HDAC9: variants seen among roughly 807,000 people sequenced by gnomAD.
HDAC9 encodes the protein MEF-2 interacting transcription repressor (MITR) protein.
In HDAC9, 41 loss-of-function variants were observed where a neutral mutation model predicts 139.4. The observed-to-expected ratio is 0.29, with a 90% confidence interval of 0.23 to 0.38. The LOEUF is 0.38. Among genes scored for constraint, HDAC9 ranks in the 10% least tolerant of loss-of-function variants. The pLI, the probability that HDAC9 is intolerant of heterozygous loss-of-function variation, is 1.00. For synonymous variants in HDAC9, 517 were observed against 476.2 expected (o/e 1.09, Z -1.12); for missense variants, 1,147 against 1,297.0 (o/e 0.88, Z 1.78).
Position 18,635,683 on chromosome 7 carries a change from C to T in HDAC9, c.912+941C>T, listed in dbSNP as rs146159684. On this transcript the variant is annotated intron_variant, in intron 8 of 25. Coordinates refer to ENST00000686413, the MANE Select transcript of HDAC9 (RefSeq NM_178425.4). ...TTGCTCTGTGCAAGGAGAGCTGGTGCGTTAACTTCTAATATATAACATACT... is the reference window on the plus strand; with the variant it reads ...TTGCTCTGTGCAAGGAGAGCTGGTGTGTTAACTTCTAATATATAACATACT... Among the ~76,000 whole-genome samples the T allele has an allele frequency of 9.8e-4, 149 of 152,122 alleles. 2 individuals carry two copies. In the East Asian group the frequency reaches 0.026, roughly 26 times the overall value.
chr7:18,778,048 A>T (rs886403218), intron 16 of HDAC9, among the ~76,000 whole-genome samples: 27 of 152,136 alleles, frequency 1.8e-4, no homozygotes, highest in African/African-American at 6.3e-4. Flanking sequence ...TGTTCAGGTC[A>T]TAGAATTAGT....
intron 16 of HDAC9, among the ~76,000 whole-genome samples, chr7:18,790,761 A>G (rs1393100797): frequency 6.6e-6 from 1 of 152,214 alleles, no homozygotes; most frequent in Non-Finnish European, 1.5e-5. Flanking sequence ...AAATAAATTA[A>G]TGGATGATAA....
At chr7:18,869,261 G>A (rs1798732764) in intron 21 of HDAC9, among the ~76,000 whole-genome samples, 1 of 151,526 alleles carries the variant, frequency 6.6e-6, no homozygotes, top group African/African-American at 2.4e-5. Context: ...ATGTCAAAAT[G>A]TAATCCTTAA....
intron 13 of HDAC9, among the ~76,000 whole-genome samples, chr7:18,730,427 T>C (rs1311467975): frequency 6.6e-6 from 1 of 152,246 alleles, no homozygotes; most frequent in African/African-American, 2.4e-5. Context: ...TCCTTTCTTT[T>C]GACTTTTTAA....
At chr7:18,314,725 T>C (rs1799526766) in intron 1 of HDAC9, among the ~76,000 whole-genome samples, 1 of 152,238 alleles carries the variant, frequency 6.6e-6, no homozygotes, top group Admixed American at 6.5e-5. Context: ...TCATGGTTGA[T>C]ATTACAGAAA....
chr7:18,371,130 T>C (rs1784562003), intron 1 of HDAC9, among the ~76,000 whole-genome samples: 1 of 152,166 alleles, frequency 6.6e-6, no homozygotes, highest in African/African-American at 2.4e-5. Flanking sequence ...GGCTGCATAC[T>C]TCAGAATCTT....
In HDAC9 at chr7:18,652,849, T is replaced by C. The variant is rs1789752423; in HGVS notation, c.1467+4166T>C. ...ATGCGTTAAACAAATCATTAAATAC[T>C]GTGTGCAGACACAGTTTTAAGCACT... On this transcript the variant is annotated intron_variant, in intron 11 of 25. Transcript: ENST00000686413. Among the ~76,000 whole-genome samples the C allele has an allele frequency of 6.6e-5, 10 of 152,316 alleles. 1 individual carries two copies. In the South Asian group the frequency reaches 1.9e-3, roughly 28 times the overall value.
intron 8 of HDAC9, among the ~76,000 whole-genome samples, chr7:18,643,003 T>C (rs915971983): frequency 2.0e-5 from 3 of 152,132 alleles, no homozygotes; most frequent in South Asian, 2.1e-4. Context: ...TCCACACTTA[T>C]TTTCTCTTCA....
chr7:18,169,378 T>C (rs907297369), intron 2 of HDAC9, among the ~76,000 whole-genome samples: 5 of 152,336 alleles, frequency 3.3e-5, no homozygotes, highest in African/African-American at 1.2e-4. Flanking sequence ...TACAGAATTT[T>C]GAGTTTCCAG....
intron 1 of HDAC9, among the ~76,000 whole-genome samples, chr7:18,138,831 A>C (rs1275176715): frequency 1.3e-5 from 2 of 152,264 alleles, no homozygotes; most frequent in Non-Finnish European, 2.9e-5. Flanking sequence ...GATGGAATGC[A>C]AAGCCAAGTC....
In HDAC9 at chr7:18,460,744, C is replaced by T. The variant is rs535873218; in HGVS notation, c.-41-35518C>T. Reference sequence around the variant, plus strand: ...TGGAGGTTGCAGTGAGCTGAGATCGCGCCATTGCATTCCAGCCTGGACAAC... The same window carrying T: ...TGGAGGTTGCAGTGAGCTGAGATCGTGCCATTGCATTCCAGCCTGGACAAC... On this transcript the variant is annotated intron_variant, in intron 1 of 3. Transcript: ENST00000413509. Among the ~76,000 whole-genome samples the T allele has an allele frequency of 1.6e-3, 240 of 146,532 alleles. No individual in the cohort carries two copies. In the Middle Eastern group the frequency reaches 0.018, roughly 11 times the overall value.
intron 1 of HDAC9, among the ~76,000 whole-genome samples, chr7:18,349,947 C>T (rs962633147): frequency 2.0e-5 from 3 of 152,080 alleles, no homozygotes; most frequent in Non-Finnish European, 4.4e-5. Flanking sequence ...ATTAGGAGGT[C>T]TTCTACTTGC....
rs1786551886 is a variant in HDAC9, at chr7:18,997,817, T to C, written c.*1755T>C. 6.6e-6 allele frequency: 1 copy of C among 152,146 alleles called. No homozygotes were observed. Among genetic ancestry groups the C allele is most frequent in the Admixed American group, 6.5e-5 (1 of 15,270 alleles). 9.4% of individuals were successfully genotyped at this position (152,146 alleles called of 1,614,324 possible). Reference sequence around the variant, plus strand: ...TTTTTTAGGATTACCATTTTAATTTTAAAGACTTTTATTACATATACAAAA... The same window carrying C: ...TTTTTTAGGATTACCATTTTAATTTCAAAGACTTTTATTACATATACAAAA... On this transcript the variant is annotated 3_prime_UTR_variant, in exon 26 of 26. Transcript: ENST00000686413.
chr7:18,908,830 C>CA (rs1802499803), intron 22 of HDAC9, among the ~76,000 whole-genome samples: 3 of 151,990 alleles, frequency 2.0e-5, no homozygotes, highest in Non-Finnish European at 2.9e-5. Context: ...AGGTTGATTC[C>CA]ATATCTTGGC....
intron 1 of HDAC9, among the ~76,000 whole-genome samples, chr7:18,436,534 G>A (rs1791218761): frequency 6.6e-6 from 1 of 152,094 alleles, no homozygotes; most frequent in Admixed American, 6.6e-5. Flanking sequence ...TTAAGTTGTG[G>A]AATTGTCATG....
chr7:18,471,387 C>G (rs561157430), intron 1 of HDAC9, among the ~76,000 whole-genome samples: 8 of 152,222 alleles, frequency 5.3e-5, no homozygotes, highest in Admixed American at 1.3e-4. Flanking sequence ...TAGTTTTTAT[C>G]CAATATTCCA....
At chr7:18,374,486 A>G (rs1585451038) in intron 1 of HDAC9, among the ~76,000 whole-genome samples, 1 of 152,206 alleles carries the variant, frequency 6.6e-6, no homozygotes, top group East Asian at 1.9e-4. Flanking sequence ...AAACCTGTAC[A>G]GCATGTTACT....
intron 13 of HDAC9, among the ~76,000 whole-genome samples, chr7:18,735,996 A>G (rs1786855936): frequency 6.6e-6 from 1 of 152,124 alleles, no homozygotes; most frequent in African/African-American, 2.4e-5. Flanking sequence ...CTTTGTAGTA[A>G]TTGTGAATGG....
At chr7:18,556,831 T>C (rs1818966412) in intron 2 of HDAC9, among the ~76,000 whole-genome samples, 1 of 152,014 alleles carries the variant, frequency 6.6e-6, no homozygotes, top group African/African-American at 2.4e-5. Flanking sequence ...TTAGAAGAGT[T>C]TTGGGGGTAA....
Sources: allele counts gnomAD v4.1 joint callset (sites outside exome capture counted in the v4.1 genomes callset), GRCh38; gene constraint gnomAD v4.1.1; transcripts MANE v1.5; gene names NCBI Gene and HGNC (gene_info 2026-07-23, HGNC 2026-07-21).